The following EPHA5 variants were observed in gnomAD, a reference collection of about 807,000 sequenced individuals.
The protein encoded by EPHA5 is ephrin type-A receptor 5.
A neutral mutation model predicts 105.0 loss-of-function variants in EPHA5; 60 were observed. The observed-to-expected ratio is 0.57, with a 90% confidence interval of 0.46 to 0.71. The LOEUF is 0.71. Among genes scored for constraint, EPHA5 ranks in the 30% least tolerant of loss-of-function variants. The pLI is 0.00. For synonymous variants in EPHA5, 513 were observed against 449.1 expected (o/e 1.14, Z -1.80); for missense variants, 1,218 against 1,274.7 (o/e 0.96, Z 0.68).
chr4:65,487,353 G>T (rs146744287), intron 5 of EPHA5, among the ~76,000 whole-genome samples: 1 of 152,114 alleles, frequency 6.6e-6, no homozygotes. Context: ...CAACAAAAAT[G>T]ATACTAACTC....
intron 8 of EPHA5, among the ~76,000 whole-genome samples, chr4:65,381,068 T>C (rs947521858): frequency 2.0e-5 from 3 of 151,288 alleles, no homozygotes; most frequent in Admixed American, 1.3e-4. Context: ...CTCTCTGCAC[T>C]GTTTGGGGCT....
chr4:65,538,137 T>C (rs771010423), intron 3 of EPHA5, among the ~76,000 whole-genome samples: 26 of 151,794 alleles, frequency 1.7e-4, no homozygotes, highest in Non-Finnish European at 7.4e-5. Flanking sequence ...ACAAAAAATC[T>C]GCAGTGCACT....
intron 14 of EPHA5, among the ~76,000 whole-genome samples, chr4:65,339,904 C>A (rs1283879216): frequency 1.3e-5 from 2 of 152,158 alleles, no homozygotes; most frequent in Admixed American, 6.5e-5. Flanking sequence ...TCCACACAGA[C>A]AGTGGCCCTG....
At chr4:65,568,527 TAAC>T (rs999366589) in intron 3 of EPHA5, among the ~76,000 whole-genome samples, 12 of 151,252 alleles carry the variant, frequency 7.9e-5, no homozygotes, top group African/African-American at 1.9e-4. Flanking sequence ...TATTAATAAT[TAAC>T]AACAACGCAT....
intron 3 of EPHA5, among the ~76,000 whole-genome samples, chr4:65,576,588 C>A (rs568057208): frequency 6.0e-4 from 92 of 152,290 alleles, no homozygotes; most frequent in African/African-American, 2.2e-3. Flanking sequence ...AGTGCCTGTA[C>A]ACAGGCCAGT....
chr4:65,391,552 T>C (rs745343386), intron 8 of EPHA5, among the ~76,000 whole-genome samples: 35 of 152,138 alleles, frequency 2.3e-4, no homozygotes, highest in Non-Finnish European at 4.3e-4. Flanking sequence ...GTTGAATAGA[T>C]GTTCTAGCCT....
chr4:65,475,320 C>G (rs1385324636), intron 5 of EPHA5, among the ~76,000 whole-genome samples: 2 of 152,128 alleles, frequency 1.3e-5, no homozygotes, highest in Non-Finnish European at 2.9e-5. Context: ...TGTGTGAATG[C>G]ATGGCAATCA....
chr4:65,450,899 A>G (rs941979116), intron 5 of EPHA5, among the ~76,000 whole-genome samples: 1 of 152,200 alleles, frequency 6.6e-6, no homozygotes, highest in African/African-American at 2.4e-5. Flanking sequence ...TTAACTTAAA[A>G]TGGAAACATG....
chr4:65,429,188 A>G (rs1457071117), intron 5 of EPHA5, among the ~76,000 whole-genome samples: 1 of 152,082 alleles, frequency 6.6e-6, no homozygotes, highest in Non-Finnish European at 1.5e-5. Flanking sequence ...AAATGAGGCT[A>G]TATCTAGCAG....
chr4:65,497,928 T>C (rs1197706022), intron 3 of EPHA5, among the ~76,000 whole-genome samples: 2 of 151,948 alleles, frequency 1.3e-5, no homozygotes, highest in African/African-American at 4.8e-5. Context: ...CTTGCCTTTA[T>C]GAATCTTAAA....
intron 9 of EPHA5, 145 bp from the exon 10 acceptor site, chr4:65,366,202 T>C: frequency 1.5e-6 from 1 of 659,602 alleles, no homozygotes; most frequent in Non-Finnish European, 2.4e-6. Flanking sequence ...TGAGTTACAG[T>C]TGTTTGTACA....
At chr4:65,483,295 A>G (rs370163377) in intron 5 of EPHA5, among the ~76,000 whole-genome samples, 2 of 152,152 alleles carry the variant, frequency 1.3e-5, no homozygotes, top group African/African-American at 2.4e-5. Context: ...AGTCTTTGCT[A>G]TTGTGAATAG....
At chr4:65,394,245 A>G (rs934775361) in intron 8 of EPHA5, among the ~76,000 whole-genome samples, 4 of 152,282 alleles carry the variant, frequency 2.6e-5, no homozygotes, top group African/African-American at 9.6e-5. Context: ...GATAGTTTCT[A>G]AAGTTTTAAA....
At chr4:65,467,442 T>C (rs1158769427) in intron 5 of EPHA5, among the ~76,000 whole-genome samples, 9 of 152,218 alleles carry the variant, frequency 5.9e-5, no homozygotes, top group East Asian at 1.9e-4. Context: ...ACTGATCTTT[T>C]GACTAATTAC....
Position 65,348,193 on chromosome 4 carries a change from A to T in EPHA5, c.2456T>A (p.Ile819Asn). 3 of 1,610,390 alleles carry T rather than the reference A, an allele frequency of 1.9e-6. No homozygotes were observed. The highest frequency in any genetic ancestry group is 2.5e-6 in the Non-Finnish European group (3 of 1,178,684). ...EAAYTTRGGK[I>N]PIRWTAPEAI... ...TTCTGGGGCAGTCCATCTGATTGGA[A>T]TTTTTCCTCCCTAAAATTGAAAAAG... Residue 819 changes from isoleucine to asparagine, a missense_variant, in exon 14 of 17, where the codon ATT becomes AAT. Physicochemically the swap from Ile to Asn is moderately radical, Grantham distance 149 (BLOSUM62 -3). Transcript: ENST00000613740.
intron 3 of EPHA5, among the ~76,000 whole-genome samples, chr4:65,576,218 G>T (rs187860812): frequency 3.9e-5 from 6 of 151,970 alleles, no homozygotes; most frequent in African/African-American, 1.4e-4. Flanking sequence ...ATTGATCAAG[G>T]GTATGCATGA....
intron 5 of EPHA5, among the ~76,000 whole-genome samples, chr4:65,445,085 T>A (rs567627813): frequency 6.6e-6 from 1 of 152,268 alleles, no homozygotes; most frequent in South Asian, 2.1e-4. Flanking sequence ...CTTTTTCTAG[T>A]CTGCAAATGT....
chr4:65,409,345 A>AC (rs1560506424), intron 7 of EPHA5, among the ~76,000 whole-genome samples: 2 of 130,878 alleles, frequency 1.5e-5, no homozygotes, highest in African/African-American at 5.8e-5. Context: ...TATAATAATA[A>AC]AAAATAAATA....
chr4:65,542,420 T>A (rs1161436805), intron 3 of EPHA5, among the ~76,000 whole-genome samples: 1 of 151,968 alleles, frequency 6.6e-6, no homozygotes, highest in African/African-American at 2.4e-5. Context: ...AAATACAAAC[T>A]ACTATCAGAG....
Sources: allele counts gnomAD v4.1 joint callset (sites outside exome capture counted in the v4.1 genomes callset), GRCh38; gene constraint gnomAD v4.1.1; transcripts MANE v1.5; gene names NCBI Gene and HGNC (gene_info 2026-07-23, HGNC 2026-07-21).